Variants in SRRM1 observed in about 807,000 individuals in gnomAD.
SRRM1 encodes the protein serine/arginine repetitive matrix protein 1.
In SRRM1, 19 loss-of-function variants were observed where a neutral mutation model predicts 110.2. The ratio of observed to expected loss-of-function variants is 0.17; its 90% confidence interval spans 0.12 to 0.25. The LOEUF is 0.25. Among genes scored for constraint, SRRM1 ranks in the 10% least tolerant of loss-of-function variants. SRRM1 has a pLI of 1.00. For missense variants in SRRM1, 918 were observed against 1,145.8 expected, an observed-to-expected ratio of 0.80 and a Z score of 2.87; for synonymous variants, 443 against 414.9, an observed-to-expected ratio of 1.07 and a Z score of -0.82.
Position 24,653,174 on chromosome 1 carries a change from A to G in SRRM1, c.1040+142A>G. On this transcript the variant is annotated intron_variant, in intron 8 of 16. Transcript: ENST00000323848. Reference sequence around the variant, plus strand: ...CAATGTCTTCTAAAGAGTCTGTTTCATTTGAAGTGTAATGCAGTTGTTCGT... The same window carrying G: ...CAATGTCTTCTAAAGAGTCTGTTTCGTTTGAAGTGTAATGCAGTTGTTCGT... 3 of 812,954 alleles carry G rather than the reference A, an allele frequency of 3.7e-6. No individual in the cohort carries two copies. In the South Asian group the frequency reaches 6.8e-5, roughly 18 times the overall value. The allele number at this position is 812,954 out of a possible 1,614,324, so 50.4% of individuals were successfully genotyped here. A position where few individuals can be genotyped will look rare whatever the true frequency, so the allele number is the denominator to read the frequency against.
At chr1:24,653,635 T>C (rs1437922907) in intron 8 of SRRM1, among the ~76,000 whole-genome samples, 1 of 152,002 alleles carries the variant, frequency 6.6e-6, no homozygotes, top group African/African-American at 2.4e-5. Context: ...ACCAGTGTTC[T>C]TTTTTTTACA....
intron 12 of SRRM1, among the ~76,000 whole-genome samples, chr1:24,665,425 G>C (rs374353954): frequency 4.5e-5 from 6 of 133,242 alleles, no homozygotes; most frequent in Non-Finnish European, 9.5e-5. Flanking sequence ...GCAAAACTCC[G>C]TCTCAAAAAA....
At chr1:24,649,604 G>A (rs111516465) in intron 4 of SRRM1, among the ~76,000 whole-genome samples, 116 of 152,370 alleles carry the variant, frequency 7.6e-4, no homozygotes, top group African/African-American at 2.6e-3. Context: ...ACCGTGCCCA[G>A]CCAGCATAAA....
Position 24,672,534 on chromosome 1 carries a change from C to G in SRRM1, c.*248C>G, listed in dbSNP as rs1056154058. 3.5e-5 allele frequency: 8 copies of G among 229,376 alleles called. No homozygotes were observed. The highest frequency in any genetic ancestry group is 6.8e-5 in the Non-Finnish European group (8 of 117,490). 14.2% of individuals were successfully genotyped at this position (229,376 alleles called of 1,614,324 possible). The stretch of plus-strand genomic sequence containing the variant: ...AATATTTTAAGCCAAAAAAAAATTC[C>G]CTTTTTAAAAAAGGGGGTTTAAATA... On this transcript the variant is annotated 3_prime_UTR_variant, in exon 17 of 17. Coordinates refer to ENST00000323848, the MANE Select transcript of SRRM1 (RefSeq NM_005839.4).
At chr1:24,652,376 A>AT in intron 6 of SRRM1, 58 bp from the exon 7 acceptor site, 2 of 1,240,466 alleles carry the variant, frequency 1.6e-6, no homozygotes, top group Non-Finnish European at 2.2e-6. Flanking sequence ...TTGTGTAATG[A>AT]TTTAGAAGGC....
chr1:24,652,135 A>G (rs1302857948), intron 6 of SRRM1, among the ~76,000 whole-genome samples: 1 of 147,694 alleles, frequency 6.8e-6, no homozygotes, highest in Non-Finnish European at 1.5e-5. Flanking sequence ...CAGGAGGATC[A>G]CTTGAGCCTG....
chr1:24,658,208 A>ATTTTTTT (rs573100578), intron 9 of SRRM1, among the ~76,000 whole-genome samples: 86 of 137,496 alleles, frequency 6.3e-4, no homozygotes, highest in African/African-American at 2.4e-3. Context: ...GATGGTATAA[A>ATTTTTTT]TTTTTTTTTT....
chr1:24,649,430 T>C (rs951111948), intron 4 of SRRM1, among the ~76,000 whole-genome samples: 8 of 152,254 alleles, frequency 5.3e-5, no homozygotes, highest in African/African-American at 1.9e-4. Context: ...GCGATTCTCA[T>C]GCCTCAGTCT....
At position 24,652,841 on chromosome 1, in the gene SRRM1, C is replaced by T. The variant is rs549375434; in HGVS notation, c.921-72C>T. 17 of 1,505,190 alleles carry T rather than the reference C, an allele frequency of 1.1e-5. No individual in the cohort carries two copies. In the South Asian group the frequency reaches 2.3e-4, roughly 20 times the overall value. The allele number at this position is 1,505,190 out of a possible 1,614,324, so 93.2% of individuals were successfully genotyped here. On this transcript the variant is annotated intron_variant, in intron 7 of 16. Transcript: ENST00000323848. The stretch of plus-strand genomic sequence containing the variant: ...TTGAAATTTATTTTTTAGATGTGGC[C>T]ATTGAGAAAACTAAGCCAAGAAATT...
intron 3 of SRRM1, chr1:24,647,318 G>A (rs1658175642): frequency 6.6e-6 from 1 of 152,576 alleles, no homozygotes; most frequent in Non-Finnish European, 1.5e-5. Flanking sequence ...ATTATGAGAT[G>A]GACATTTATG....
At chr1:24,668,117 A>ATC (rs1670968483) in intron 13 of SRRM1, among the ~76,000 whole-genome samples, 1 of 151,748 alleles carries the variant, frequency 6.6e-6, no homozygotes, top group Non-Finnish European at 1.5e-5. Context: ...GATTACAGGC[A>ATC]TCTGCCACCA....
intron 9 of SRRM1, among the ~76,000 whole-genome samples, chr1:24,659,741 G>GAT (rs1666172915): frequency 6.6e-6 from 1 of 150,852 alleles, no homozygotes; most frequent in East Asian, 1.9e-4. Flanking sequence ...AAAGGGATGT[G>GAT]ATACTACTGT....
chr1:24,667,894 A>G (rs1670771310), intron 13 of SRRM1, among the ~76,000 whole-genome samples: 1 of 151,910 alleles, frequency 6.6e-6, no homozygotes, highest in South Asian at 2.1e-4. Flanking sequence ...TTTAAAGTGA[A>G]AATTAGGGGA....
chr1:24,652,945 G>C lies in SRRM1; in HGVS notation c.953G>C (p.Arg318Thr). 1 of 1,614,044 alleles carries C rather than the reference G, an allele frequency of 6.2e-7. No homozygotes were observed. Among genetic ancestry groups the C allele is most frequent in the Non-Finnish European group, 8.5e-7 (1 of 1,179,978 alleles). ...TCACCTAGAAGGCGGCCAAGCCCAA[G>C]AAGGCGGCCATCTCCTCGAAGAAGA... is the stretch of plus-strand genomic sequence containing the variant. Reference protein sequence around the residue: ...SYSPRRRPSPRRRPSPRRRTP... With the variant: ...SYSPRRRPSPTRRPSPRRRTP... Residue 318 changes from arginine (R) to threonine (T), a missense_variant, in exon 8 of 17, where the codon AGA becomes ACA. By Grantham distance (71) the Arg-to-Thr change is moderately conservative (BLOSUM62 -1). Coordinates refer to ENST00000323848, the MANE Select transcript of SRRM1 (RefSeq NM_005839.4).
rs1026271710 is a variant in SRRM1, at chr1:24,670,214, C to T, written c.2299C>T (p.Pro767Ser). 1 of 1,614,156 alleles carries T rather than the reference C, an allele frequency of 6.2e-7. No individual in the cohort carries two copies. The highest frequency in any genetic ancestry group is 8.5e-7 in the Non-Finnish European group (1 of 1,180,032). The change falls in exon 15 of 17, where the codon CCT (proline) becomes TCT (serine). Residue 767 changes from proline to serine, a missense_variant. By Grantham distance (74) the Pro-to-Ser change is moderately conservative. Coordinates refer to ENST00000323848, the MANE Select transcript of SRRM1 (RefSeq NM_005839.4). Reference sequence around the variant, plus strand: ...GCCAGCAGCTAAAAAGCCCCCAGCACCTCCATCCCCCGTCCAGTCTCAGTC... The same window carrying T: ...GCCAGCAGCTAAAAAGCCCCCAGCATCTCCATCCCCCGTCCAGTCTCAGTC... Reference protein sequence around the residue: ...PEPAAKKPPAPPSPVQSQSPS... With the variant: ...PEPAAKKPPASPSPVQSQSPS...
chr1:24,654,970 C>A lies in SRRM1; in HGVS notation c.1156C>A (p.Arg386Ser), dbSNP rs781526701. The change falls in exon 9 of 17, where the codon CGT (arginine) becomes AGT (serine). Residue 386 changes from arginine to serine, a missense_variant. Around this residue, in one of 5 missense-constraint regions of SRRM1, gnomAD observed 456 missense variants for 453.5 expected, o/e 1.01. Transcript: ENST00000323848. ...KRTSSPPRKT[R>S]RLSPSASPPR... The stretch of plus-strand genomic sequence containing the variant: ...GACATCCAGCCCCCCTCGGAAAACT[C>A]GTAGGTTATCTCCTTCAGCAAGTCC... 1 of 1,614,186 alleles carries A rather than the reference C, an allele frequency of 6.2e-7. No individual in the cohort carries two copies. Among genetic ancestry groups the A allele is most frequent in the Middle Eastern group, 1.6e-4 (1 of 6,062 alleles).
intron 16 of SRRM1, 114 bp downstream of exon 16, chr1:24,671,709 G>A: frequency 1.1e-6 from 1 of 924,388 alleles, no homozygotes; most frequent in Non-Finnish European, 1.6e-6. Context: ...GTTACTCTGA[G>A]ATAAAAGTCA....
intron 5 of SRRM1, chr1:24,650,611 T>C (rs1346091150): frequency 6.6e-6 from 1 of 152,268 alleles, no homozygotes; most frequent in Non-Finnish European, 1.5e-5. Context: ...GCTCAGCTTC[T>C]ATATTTGTGG....
At position 24,652,484 on chromosome 1, in the gene SRRM1, C is replaced by T. The variant is rs748878564; in HGVS notation, c.776C>T (p.Pro259Leu). 1 of 1,610,728 alleles carries T rather than the reference C, an allele frequency of 6.2e-7. No homozygotes were observed. The highest frequency in any genetic ancestry group is 1.1e-5 in the South Asian group (1 of 90,776). ...KPEPIPEPKE[P>L]SPEKNSKKEK... ...GAACCTATACCAGAGCCTAAAGAAC[C>T]TTCTCCGGAAAAAAATTCCAAAAAA... Residue 259 changes from proline to leucine, a missense_variant, in exon 7 of 17, where the codon CCT becomes CTT. Pro to Leu is a moderately conservative substitution (Grantham distance 98). Transcript: ENST00000323848.
Sources: allele counts gnomAD v4.1 joint callset (sites outside exome capture counted in the v4.1 genomes callset), GRCh38; gene constraint gnomAD v4.1.1; regional missense constraint gnomAD v4.1.1; transcripts MANE v1.5; gene names NCBI Gene and HGNC (gene_info 2026-07-23, HGNC 2026-07-21).